PRDX1: variants seen among roughly 807,000 people sequenced by gnomAD.
PRDX1 encodes peroxiredoxin 1.
A neutral mutation model predicts 20.7 loss-of-function variants in PRDX1; 19 were observed. The observed-to-expected ratio is 0.92, with a 90% CI of 0.64 to 1.35. PRDX1 has a LOEUF of 1.35. Among genes scored for constraint, PRDX1 ranks in the 40% most tolerant of loss-of-function variants. The pLI is 0.00. For synonymous variants in PRDX1, 89 were observed against 83.9 expected (o/e 1.06, Z -0.33); for missense variants, 226 against 240.0 (o/e 0.94, Z 0.38).
intron 2 of PRDX1, 109 bp downstream of exon 2, chr1:45,518,829 C>T: frequency 1.0e-6 from 1 of 991,980 alleles, no homozygotes; most frequent in South Asian, 1.5e-5. Context: ...ATACTTCTTC[C>T]TAGGAGACAA....
At chr1:45,514,670 G>A in intron 4 of PRDX1, 33 bp from the exon 5 acceptor site, 9 of 1,611,288 alleles carry the variant, frequency 5.6e-6, no homozygotes, top group Non-Finnish European at 6.8e-6. Context: ...AAGCAATACA[G>A]GTTTAGAGAT....
Position 45,515,763 on chromosome 1 carries a change from C to A in PRDX1, c.151G>T (p.Val51Leu). ...AAAGCAATGATCTCCGTGGGGCACA[C>A]AAAGGTGAAGTCAAGAGGGTAAAAG... The part of the protein sequence containing the change: ...FFFYPLDFTF[V>L]CPTEIIAFSD... Residue 51 changes from valine (V) to leucine (L), a missense_variant, in exon 3 of 6, where the codon GTG (valine) becomes TTG (leucine). By Grantham distance (32) the Val-to-Leu change is conservative. Coordinates refer to ENST00000319248, the MANE Select transcript of PRDX1 (RefSeq NM_181697.3). 6.3e-7 allele frequency: 1 copy of A among 1,596,738 alleles called. No homozygotes were observed. The highest frequency in any genetic ancestry group is 8.5e-7 in the Non-Finnish European group (1 of 1,175,094).
chr1:45,515,890 G>A (rs944854932), intron 2 of PRDX1, 83 bp from the exon 3 acceptor site: 46 of 1,328,374 alleles, frequency 3.5e-5, no homozygotes, highest in South Asian at 1.9e-4. Flanking sequence ...GAAGCAAGTT[G>A]ATGGCTGACA....
intron 1 of PRDX1, among the ~76,000 whole-genome samples, chr1:45,520,984 G>A (rs894047945): frequency 2.0e-5 from 3 of 152,144 alleles, no homozygotes; most frequent in Non-Finnish European, 4.4e-5. Flanking sequence ...AATACCACAA[G>A]CAAAAGAAAT....
chr1:45,519,945 A>G (rs1643893114), intron 1 of PRDX1, among the ~76,000 whole-genome samples: 1 of 152,154 alleles, frequency 6.6e-6, no homozygotes, highest in African/African-American at 2.4e-5. Flanking sequence ...AGTGTCTCAC[A>G]CCTGTAATCC....
At chr1:45,515,492 A>G (rs1345267611) in intron 3 of PRDX1, among the ~76,000 whole-genome samples, 162 bp downstream of exon 3, 2 of 150,898 alleles carry the variant, frequency 1.3e-5, no homozygotes, top group South Asian at 2.1e-4. Context: ...CCAGCTACTC[A>G]GGAGGCTGAG....
chr1:45,516,063 T>C (rs1310020692), intron 2 of PRDX1, among the ~76,000 whole-genome samples: 1 of 152,232 alleles, frequency 6.6e-6, no homozygotes, highest in Non-Finnish European at 1.5e-5. Context: ...CACTGTTCAG[T>C]CTAATTTTGA....
At position 45,515,347 on chromosome 1, in the gene PRDX1, C is replaced by T. The variant is rs137910384; in HGVS notation, c.260+307G>A. 5.6e-4 allele frequency among the ~76,000 whole-genome samples: 85 copies of T among 152,158 alleles called. No homozygotes were observed. In the East Asian group the frequency reaches 0.013, roughly 24 times the overall value. On this transcript the variant is annotated intron_variant, in intron 3 of 5. Transcript: ENST00000319248. Reference sequence around the variant, plus strand: ...AGGTGCAGTGGCTCACACCTGTAATCCCAGCACTTTGGGAGGCTGAGGTGG... The same window carrying T: ...AGGTGCAGTGGCTCACACCTGTAATTCCAGCACTTTGGGAGGCTGAGGTGG...
chr1:45,519,584 T>C (rs1393130126), intron 1 of PRDX1, among the ~76,000 whole-genome samples: 7 of 152,116 alleles, frequency 4.6e-5, no homozygotes, highest in Admixed American at 3.9e-4. Flanking sequence ...TTCAACTTGT[T>C]TTATTTGTTT....
Position 45,511,242 on chromosome 1 carries a change from G to T in PRDX1, c.*87C>A. The T allele has an allele frequency of 8.8e-7, 1 of 1,139,390 alleles. No individual in the cohort carries two copies. The highest frequency in any genetic ancestry group is 1.3e-6 in the Non-Finnish European group (1 of 794,720). The allele number at this position is 1,139,390 out of a possible 1,614,324, so 70.6% of individuals were successfully genotyped here. ...ACAATTCGGCTGAATCTGAAGTCTTGTGTTTTACTAATGGAAAAAAAAAAT... is the reference window on the plus strand; with the variant it reads ...ACAATTCGGCTGAATCTGAAGTCTTTTGTTTTACTAATGGAAAAAAAAAAT... On this transcript the variant is annotated 3_prime_UTR_variant, in exon 6 of 6. Coordinates refer to ENST00000319248, the MANE Select transcript of PRDX1 (RefSeq NM_181697.3).
At chr1:45,517,620 A>T (rs1570851226) in intron 2 of PRDX1, among the ~76,000 whole-genome samples, 1 of 152,048 alleles carries the variant, frequency 6.6e-6, no homozygotes, top group African/African-American at 2.4e-5. Flanking sequence ...TCTCTACTAA[A>T]AATACAAAAA....
chr1:45,514,645 A>G lies in PRDX1; in HGVS notation c.384-8T>C. 1.2e-6 allele frequency: 2 copies of G among 1,613,590 alleles called. No individual in the cohort carries two copies. The highest frequency in any genetic ancestry group is 1.7e-6 in the Non-Finnish European group (2 of 1,179,476). On this transcript the variant is annotated splice_polypyrimidine_tract_variant and splice_region_variant and intron_variant, in intron 4 of 5. Coordinates refer to ENST00000319248, the MANE Select transcript of PRDX1 (RefSeq NM_181697.3). ...TCAATGATAAAAAGGCCCCTGGGAA[A>G]AGAGATGAAAGGAAAAGCAATACAG... is the stretch of plus-strand genomic sequence containing the variant.
intron 1 of PRDX1, among the ~76,000 whole-genome samples, chr1:45,519,533 C>G (rs1367916457): frequency 2.0e-5 from 3 of 152,216 alleles, no homozygotes; most frequent in Admixed American, 2.0e-4. Flanking sequence ...TGACTTTTCT[C>G]CAGGTAGCTT....
Position 45,514,513 on chromosome 1 carries a change from CA to C in PRDX1, c.507del (p.His169GlnfsTer46). The C allele has an allele frequency of 6.2e-7, 1 of 1,614,174 alleles. No individual in the cohort carries two copies. Among genetic ancestry groups the C allele is most frequent in the South Asian group, 1.1e-5 (1 of 91,080 alleles). On this transcript the variant is annotated frameshift_variant, in exon 5 of 6. Transcript: ENST00000319248. LOFTEE classifies it high-confidence loss of function. ...LVQAFQFTDK[H>X]GEVCPAGWKP... Reference sequence around the variant, plus strand: ...TATCAGACAGATGGCTTACCTTCCCCATGTTTGTCAGTGAACTGGAAGGCCT... The same window carrying C: ...TATCAGACAGATGGCTTACCTTCCCCTGTTTGTCAGTGAACTGGAAGGCCT...
chr1:45,522,777 C>A (rs1045644799), upstream of PRDX1: 3 of 152,204 alleles, frequency 2.0e-5, no homozygotes, highest in Non-Finnish European at 4.4e-5. Context: ...GTCTCACTCA[C>A]CCTGTCGCCC....
At chr1:45,514,435 C>T in intron 5 of PRDX1, 72 bp downstream of exon 5, 1 of 1,553,782 alleles carries the variant, frequency 6.4e-7, no homozygotes, top group South Asian at 1.1e-5. Flanking sequence ...GAGAAACACC[C>T]ACAGGTGTGA....
intron 3 of PRDX1, among the ~76,000 whole-genome samples, chr1:45,515,436 G>GA (rs1323740975): frequency 6.6e-6 from 1 of 151,494 alleles, no homozygotes; most frequent in Non-Finnish European, 1.5e-5. Flanking sequence ...CGTCTCTACT[G>GA]AAAATACAAA....
Position 45,519,013 on chromosome 1 carries a change from G to A in PRDX1, c.31C>T (p.Pro11Ser). 1 of 1,598,214 alleles carries A rather than the reference G, an allele frequency of 6.3e-7. No individual in the cohort carries two copies. Among genetic ancestry groups the A allele is most frequent in the Non-Finnish European group, 8.5e-7 (1 of 1,175,158 alleles). Residue 11 changes from proline (P) to serine (S), a missense_variant, in exon 2 of 6, where the codon CCT becomes TCT. By Grantham distance (74) the Pro-to-Ser change is moderately conservative. Coordinates refer to ENST00000319248, the MANE Select transcript of PRDX1 (RefSeq NM_181697.3). The part of the protein sequence containing the change: MSSGNAKIGH[P>S]APNFKATAVM... ...GCTGTGGCTTTGAAGTTGGGGGCAG[G>A]GTGCCCAATTTTAGCATTTCCTGAA...
chr1:45,511,311 A>T lies in PRDX1; in HGVS notation c.*18T>A. 1 of 1,591,462 alleles carries T rather than the reference A, an allele frequency of 6.3e-7. No individual in the cohort carries two copies. The highest frequency in any genetic ancestry group is 8.6e-7 in the Non-Finnish European group (1 of 1,167,516). On this transcript the variant is annotated 3_prime_UTR_variant, in exon 6 of 6. Coordinates refer to ENST00000319248, the MANE Select transcript of PRDX1 (RefSeq NM_181697.3). ...TCATGGCTGCCCACCGCAGCCTGGC[A>T]CTAAAACAGCCCAGCGCTCACTTCT...
Sources: gnomAD v4.1 joint callset for allele counts (sites outside exome capture counted in the v4.1 genomes callset) on GRCh38, gnomAD v4.1.1 for gene constraint, MANE v1.5 for transcripts, NCBI Gene and HGNC (gene_info 2026-07-23, HGNC 2026-07-21) for gene names.